The following TSPEAR variants were observed in gnomAD, a reference collection of about 807,000 sequenced individuals.
TSPEAR encodes thrombospondin type laminin G domain and EAR repeats, also known as thrombospondin-type laminin G domain and EAR repeat-containing protein.
In TSPEAR, 69 loss-of-function variants were observed where a neutral mutation model predicts 71.6. The ratio of observed to expected loss-of-function variants is 0.96; its 90% CI spans 0.79 to 1.18. The LOEUF (loss-of-function observed/expected upper bound fraction) is 1.18. Among genes scored for constraint, TSPEAR ranks in the 50% most tolerant of loss-of-function variants. The pLI, the probability that TSPEAR is intolerant of heterozygous loss-of-function variation, is 0.00. For synonymous variants in TSPEAR, 402 were observed against 387.2 expected (o/e 1.04, Z -0.45); for missense variants, 971 against 894.9 (o/e 1.09, Z -1.09).
chr21:44,527,605 C>T, intron 6 of TSPEAR, 87 bp from the exon 7 acceptor site: 1 of 1,328,720 alleles, frequency 7.5e-7, no homozygotes, highest in African/African-American at 1.5e-5. Context: ...TCCCAAGCCC[C>T]AAGTCACAAG....
At chr21:44,579,984 A>C (rs1409792343) in intron 1 of TSPEAR, 1 of 1,613,248 alleles carries the variant, frequency 6.2e-7, no homozygotes, top group East Asian at 2.2e-5. Context: ...TGCTGGCAGC[A>C]TGAAGTGGAA....
chr21:44,549,937 GATGCCC>G (rs1168811153), intron 2 of TSPEAR, among the ~76,000 whole-genome samples: 2 of 152,222 alleles, frequency 1.3e-5, no homozygotes, highest in African/African-American at 4.8e-5. Context: ...AGGAGGCCAG[GATGCCC>G]AAGCTGTCCC....
At chr21:44,697,822 C>T (rs1555950970) in intron 1 of TSPEAR, 1 of 1,613,602 alleles carries the variant, frequency 6.2e-7, no homozygotes, top group Admixed American at 1.7e-5. Context: ...GACCCGCCCG[C>T]CGCGTGCCCG....
intron 1 of TSPEAR, chr21:44,654,121 G>C (rs587748761): frequency 1.5e-6 from 1 of 645,250 alleles, no homozygotes; most frequent in African/African-American, 1.8e-5. Context: ...TGGCCTCACC[G>C]GCTGGGATCT....
chr21:44,613,748 G>A (rs1236399629), intron 1 of TSPEAR, among the ~76,000 whole-genome samples: 1 of 152,210 alleles, frequency 6.6e-6, no homozygotes, highest in Non-Finnish European at 1.5e-5. Flanking sequence ...AAGCATCATG[G>A]GGTGGGTGGA....
chr21:44,659,233 C>T (rs1482847462), intron 1 of TSPEAR, among the ~76,000 whole-genome samples: 1 of 152,046 alleles, frequency 6.6e-6, no homozygotes, highest in African/African-American at 2.4e-5. Context: ...CATGCAGGGG[C>T]GTGTGAAACT....
chr21:44,601,689 C>T (rs782039494), intron 1 of TSPEAR: 1 of 1,612,428 alleles, frequency 6.2e-7, no homozygotes, highest in South Asian at 1.1e-5. Flanking sequence ...CATGCTCCCG[C>T]CCGGCCTGCT....
intron 9 of TSPEAR, among the ~76,000 whole-genome samples, chr21:44,511,435 TGCAGATACACAG>T (rs1208076563): frequency 1.3e-5 from 2 of 152,226 alleles, no homozygotes; most frequent in Non-Finnish European, 2.9e-5. Flanking sequence ...TGGATACACA[TGCAGATACACAG>T]GCCTGCTCAT....
At position 44,517,513 on chromosome 21, in the gene TSPEAR, TGTGAGGACAC is replaced by T. The variant is rs587636469; in HGVS notation, c.1566+4360_1566+4369del. Reference sequence around the variant, plus strand: ...ATATGACAAGCATTAGCCAATGAGCTGTGAGGACACGTGAGTACAGGTCCAGCTAGGCTGG... The same window carrying T: ...ATATGACAAGCATTAGCCAATGAGCTGTGAGTACAGGTCCAGCTAGGCTGG... On this transcript the variant is annotated intron_variant, in intron 9 of 11. Coordinates refer to ENST00000323084, the MANE Select transcript of TSPEAR (RefSeq NM_144991.3). 2.8e-3 allele frequency: 894 copies of T among 320,582 alleles called. 10 individuals carry two copies. Among genetic ancestry groups the T allele is most frequent in the South Asian group, 6.5e-3 (263 of 40,386 alleles). 19.9% of individuals were successfully genotyped at this position (320,582 alleles called of 1,614,324 possible). A position where few individuals can be genotyped will look rare whatever the true frequency, so the allele number is the denominator to read the frequency against.
chr21:44,694,695 C>G (rs946627456), intron 1 of TSPEAR, among the ~76,000 whole-genome samples: 1 of 152,164 alleles, frequency 6.6e-6, no homozygotes, highest in Non-Finnish European at 1.5e-5. Flanking sequence ...AGTTTTAGCA[C>G]ACATGTATTG....
At position 44,567,803 on chromosome 21, in the gene TSPEAR, A is replaced by T. The variant is rs1243122920; in HGVS notation, c.285T>A (p.Val95=). 6 of 1,579,610 alleles carry T rather than the reference A, an allele frequency of 3.8e-6. No homozygotes were observed. The South Asian group carries it at 5.7e-5, about 15-fold the overall frequency. ...CACTGACCTTGGGTGGAAGATTGGG[A>T]ACTCTCAAAGTTACGACGATGGAAA... ...EEFSIVVTLR[V]PNLPPKRNEY... The change falls in exon 2 of 12, where the codon GTT becomes GTA. Residue 95 remains valine, a synonymous_variant. Transcript: ENST00000323084.
chr21:44,697,270 C>T, intron 1 of TSPEAR: 1 of 1,614,092 alleles, frequency 6.2e-7, no homozygotes, highest in Non-Finnish European at 8.5e-7. Flanking sequence ...GTGACTCTTG[C>T]TCCGACTCCT....
At chr21:44,607,589 A>G (rs1555930066) in intron 1 of TSPEAR, among the ~76,000 whole-genome samples, 2 of 152,246 alleles carry the variant, frequency 1.3e-5, no homozygotes, top group Non-Finnish European at 2.9e-5. Flanking sequence ...TGCCACACAT[A>G]AGAGAGTAAA....
chr21:44,573,953 C>T lies in TSPEAR; in HGVS notation c.83-5948G>A, dbSNP rs376272270. The stretch of plus-strand genomic sequence containing the variant: ...GCACCCCAGTGAGCCGTGTGTCCAG[C>T]CCCTGCTGCCCAGTGACCTGTGAGC... On this transcript the variant is annotated intron_variant, in intron 1 of 11. Transcript: ENST00000323084. 4.6e-5 allele frequency: 74 copies of T among 1,612,126 alleles called. No individual in the cohort carries two copies. The African/African-American group carries it at 8.2e-4, about 18-fold the overall frequency.
intron 1 of TSPEAR, among the ~76,000 whole-genome samples, chr21:44,590,444 G>C (rs587734535): frequency 1.3e-5 from 2 of 152,100 alleles, no homozygotes; most frequent in African/African-American, 4.8e-5. Context: ...AGGCGAGGCC[G>C]CATGGGGCAG....
intron 1 of TSPEAR, among the ~76,000 whole-genome samples, chr21:44,706,127 G>T (rs1987900775): frequency 6.6e-6 from 1 of 152,202 alleles, no homozygotes; most frequent in Non-Finnish European, 1.5e-5. Flanking sequence ...TGCGAGCACA[G>T]GTCCCCCCAG....
chr21:44,596,053 G>A (rs1410873747), intron 1 of TSPEAR, among the ~76,000 whole-genome samples: 3 of 152,178 alleles, frequency 2.0e-5, no homozygotes, highest in Non-Finnish European at 4.4e-5. Flanking sequence ...TCTCTGTAGG[G>A]CTGTATTGGA....
chr21:44,594,642 C>CTATTGCACA (rs782326471), intron 1 of TSPEAR, among the ~76,000 whole-genome samples: 17,151 of 151,914 alleles, frequency 0.11, 1,474 homozygotes, highest in African/African-American at 0.23. Context: ...CCTCCATAAC[C>CTATTGCACA]TATTGCACAT....
intron 1 of TSPEAR, among the ~76,000 whole-genome samples, chr21:44,708,922 G>A (rs1240445351): frequency 3.3e-5 from 5 of 152,246 alleles, no homozygotes; most frequent in African/African-American, 1.2e-4. Context: ...AAACGTAGGG[G>A]GAAGGGGAGT....
Sources: allele counts gnomAD v4.1 joint callset (sites outside exome capture counted in the v4.1 genomes callset), GRCh38; gene constraint gnomAD v4.1.1; transcripts MANE v1.5; gene names NCBI Gene and HGNC (gene_info 2026-07-23, HGNC 2026-07-21).